Variants in AP1G1 observed in about 807,000 individuals in gnomAD.
AP1G1 encodes the protein AP-1 complex subunit gamma-1.
In AP1G1, 7 loss-of-function variants were observed where a neutral mutation model predicts 108.3. That is an observed-to-expected ratio of 0.06 (90% CI 0.04 to 0.12). The LOEUF (loss-of-function observed/expected upper bound fraction) is 0.12. AP1G1 is among the 10% of genes least tolerant of loss of function. The probability of loss-of-function intolerance (pLI) is 1.00; values close to 1 mark genes in which losing one functional copy is unlikely to be tolerated. For synonymous variants in AP1G1, 379 were observed against 353.5 expected, an observed-to-expected ratio of 1.07 and a Z score of -0.81; for missense variants, 756 against 1,010.7, an observed-to-expected ratio of 0.75 and a Z score of 3.42.
At chr16:71,758,974 T>G in intron 10 of AP1G1, 53 bp from the exon 11 acceptor site, 1 of 989,900 alleles carries the variant, frequency 1.0e-6, no homozygotes, top group Non-Finnish European at 1.5e-6. Flanking sequence ...TTCAGGATAG[T>G]TTTTCTCCGT....
In AP1G1 at chr16:71,767,749, A is replaced by G. The variant is rs775187473; in HGVS notation, c.642+1874T>C. On this transcript the variant is annotated intron_variant, in intron 6 of 22. Transcript: ENST00000299980. ...GAAGTTAGCCAAAGATGGTAGAACA[A>G]TAACTCACAGTATTAAGCACAGCTT... The G allele has an allele frequency of 3.4e-4, 310 of 917,226 alleles. 2 individuals carry two copies. Among genetic ancestry groups the G allele is most frequent in the Non-Finnish European group, 4.6e-4 (278 of 604,720 alleles). 56.8% of individuals were successfully genotyped at this position (917,226 alleles called of 1,614,324 possible). A position where few individuals can be genotyped will look rare whatever the true frequency, so the allele number is the denominator to read the frequency against.
chr16:71,782,806 C>T (rs1251926896), intron 2 of AP1G1, among the ~76,000 whole-genome samples: 1 of 152,010 alleles, frequency 6.6e-6, no homozygotes, highest in Non-Finnish European at 1.5e-5. Flanking sequence ...CTTATTAATA[C>T]TCAAATTATC....
Position 71,748,366 on chromosome 16 carries a change from C to T in AP1G1, c.1510G>A (p.Glu504Lys), listed in dbSNP as rs1192339763. 2 of 1,612,990 alleles carry T rather than the reference C, an allele frequency of 1.2e-6. No individual in the cohort carries two copies. Among genetic ancestry groups the T allele is most frequent in the Non-Finnish European group, 8.5e-7 (1 of 1,179,720 alleles). Residue 504 changes from glutamate to lysine, a missense_variant, in exon 16 of 23, where the codon GAA (glutamate) becomes AAA (lysine). Physicochemically the swap from Glu to Lys is moderately conservative, Grantham distance 56. Transcript: ENST00000299980. Reference protein sequence around the residue: ...EEEPIQVTEDEVLDILESVLI... With the variant: ...EEEPIQVTEDKVLDILESVLI... Reference sequence around the variant, plus strand: ...ACACTTTCTAAAATATCCAACACTTCATCCTCTGTTACCTGAGGAGGAGGA... The same window carrying T: ...ACACTTTCTAAAATATCCAACACTTTATCCTCTGTTACCTGAGGAGGAGGA...
At chr16:71,745,666 C>A in intron 17 of AP1G1, 52 bp from the exon 18 acceptor site, 1 of 1,499,264 alleles carries the variant, frequency 6.7e-7, no homozygotes, top group South Asian at 1.1e-5. Flanking sequence ...AGATTCCCTA[C>A]CCAAAATAAT....
At chr16:71,761,596 T>C (rs1368032982) in intron 9 of AP1G1, 29 bp from the exon 10 acceptor site, 1 of 1,548,970 alleles carries the variant, frequency 6.5e-7, no homozygotes, top group Non-Finnish European at 8.9e-7. Context: ...GGTCGAAATT[T>C]AGGAAAATGG....
chr16:71,766,240 T>C (rs1469182424), intron 6 of AP1G1, among the ~76,000 whole-genome samples: 1 of 152,178 alleles, frequency 6.6e-6, no homozygotes, highest in Non-Finnish European at 1.5e-5. Flanking sequence ...ACTCCTATGA[T>C]ACAATTTTTT....
At chr16:71,758,005 T>C in intron 11 of AP1G1, among the ~76,000 whole-genome samples, 1 of 152,220 alleles carries the variant, frequency 6.6e-6, no homozygotes. Flanking sequence ...TAAAATCTTT[T>C]GCAAAGCACT....
intron 7 of AP1G1, 92 bp downstream of exon 7, chr16:71,765,397 T>G: frequency 1.2e-6 from 1 of 831,010 alleles, no homozygotes; most frequent in Non-Finnish European, 1.9e-6. Context: ...CTACCAAATT[T>G]CTACTCAACA....
rs1438757680 is a variant in AP1G1 at position 71,730,808 on chromosome 16, G to T, written c.*2250C>A. The T allele has an allele frequency of 6.6e-6, 1 of 152,588 alleles. No homozygotes were observed. The highest frequency in any genetic ancestry group is 1.5e-5 in the Non-Finnish European group (1 of 68,038). 9.5% of individuals were successfully genotyped at this position (152,588 alleles called of 1,614,324 possible). Reference sequence around the variant, plus strand: ...TTTTACTCCTTCTAGACAAAGCTATGAATGATCATAAACTCTACCTCGAAA... The same window carrying T: ...TTTTACTCCTTCTAGACAAAGCTATTAATGATCATAAACTCTACCTCGAAA... On this transcript the variant is annotated 3_prime_UTR_variant, in exon 23 of 23. Coordinates refer to ENST00000299980, the MANE Select transcript of AP1G1 (RefSeq NM_001128.6).
intron 13 of AP1G1, among the ~76,000 whole-genome samples, chr16:71,751,592 C>G (rs367548584): frequency 1.1e-4 from 17 of 151,912 alleles, no homozygotes; most frequent in Admixed American, 9.2e-4. Context: ...AGCTAAAAAG[C>G]AGGTAATTTG....
intron 2 of AP1G1, among the ~76,000 whole-genome samples, chr16:71,782,618 CTGGGAT>C (rs1243171195): frequency 6.6e-6 from 1 of 151,920 alleles, no homozygotes; most frequent in Non-Finnish European, 1.5e-5. Context: ...TCCTGAGTAG[CTGGGAT>C]TAATAGGCGC....
intron 6 of AP1G1, among the ~76,000 whole-genome samples, chr16:71,766,143 G>A (rs1190462385): frequency 6.6e-6 from 1 of 152,078 alleles, no homozygotes; most frequent in Non-Finnish European, 1.5e-5. Flanking sequence ...TAGTAATACG[G>A]TAATCAAATG....
At chr16:71,804,107 C>T (rs1217845300) in intron 1 of AP1G1, among the ~76,000 whole-genome samples, 1 of 151,432 alleles carries the variant, frequency 6.6e-6, no homozygotes, top group African/African-American at 2.4e-5. Context: ...AGTGCAGTGG[C>T]GTGATCTCAG....
intron 2 of AP1G1, chr16:71,777,643 C>A: frequency 2.2e-6 from 1 of 456,634 alleles, no homozygotes; most frequent in East Asian, 7.4e-5. Flanking sequence ...GCTAGGGATC[C>A]GGTTCATCCT....
chr16:71,798,783 G>A (rs1041590757), intron 1 of AP1G1, among the ~76,000 whole-genome samples: 2 of 151,902 alleles, frequency 1.3e-5, no homozygotes, highest in African/African-American at 4.8e-5. Flanking sequence ...AGCTACCCAG[G>A]AAGCTGAGGC....
At chr16:71,774,630 C>G in intron 2 of AP1G1, 38 bp from the exon 3 acceptor site, 1 of 1,540,462 alleles carries the variant, frequency 6.5e-7, no homozygotes, top group Non-Finnish European at 8.7e-7. Flanking sequence ...GAAATTAAAA[C>G]TTGCTACCAC....
At chr16:71,739,890 G>T (rs1380568730) in intron 19 of AP1G1, among the ~76,000 whole-genome samples, 1 of 151,994 alleles carries the variant, frequency 6.6e-6, no homozygotes, top group African/African-American at 2.4e-5. Flanking sequence ...AAAGTGTCAA[G>T]ATATAAAAAC....
chr16:71,808,407 A>G, intron 1 of AP1G1: 1 of 1,080,658 alleles, frequency 9.3e-7, no homozygotes, highest in Non-Finnish European at 1.2e-6. Flanking sequence ...CAGAGAAGAC[A>G]CGCGGGGGTG....
At chr16:71,741,280 A>G (rs958883868) in intron 19 of AP1G1, among the ~76,000 whole-genome samples, 9 of 152,190 alleles carry the variant, frequency 5.9e-5, no homozygotes, top group African/African-American at 2.2e-4. Context: ...ATACTAAAGA[A>G]TACTAGAAAA....
Sources: allele counts gnomAD v4.1 joint callset (sites outside exome capture counted in the v4.1 genomes callset), GRCh38; gene constraint gnomAD v4.1.1; transcripts MANE v1.5; gene names NCBI Gene and HGNC (gene_info 2026-07-23, HGNC 2026-07-21).